KIF13A: variants seen among roughly 807,000 people sequenced by gnomAD.
KIF13A encodes the protein kinesin-like protein KIF13A.
KIF13A carries 79 observed loss-of-function variants against 212.2 expected under a neutral mutation model. The ratio of observed to expected loss-of-function variants is 0.37; its 90% CI spans 0.31 to 0.45. The LOEUF (loss-of-function observed/expected upper bound fraction) is 0.45, where lower values mean the gene tolerates loss of function less well. KIF13A is among the 20% of genes least tolerant of loss of function. KIF13A has a pLI of 1.00. For synonymous variants in KIF13A, 789 were observed against 808.6 expected (o/e 0.98, Z 0.41); for missense variants, 1,901 against 2,209.0 (o/e 0.86, Z 2.79).
intron 3 of KIF13A, chr6:17,881,558 G>A (rs1326311440): frequency 2.4e-6 from 1 of 412,950 alleles, no homozygotes; most frequent in South Asian, 1.7e-5. Context: ...TTAGCTGGGT[G>A]CGGCAGTGCA....
chr6:17,831,075 G>C, intron 13 of KIF13A, 26 bp downstream of exon 13: 6 of 1,596,286 alleles, frequency 3.8e-6, no homozygotes, highest in South Asian at 1.1e-5. Context: ...AATCTTGATT[G>C]CATATGTATT....
chr6:17,774,066 A>G (rs1371732595), intron 35 of KIF13A, among the ~76,000 whole-genome samples: 3 of 152,232 alleles, frequency 2.0e-5, no homozygotes, highest in Non-Finnish European at 2.9e-5. Flanking sequence ...AAAGTTTCAA[A>G]GAGGCATAAA....
rs1464979346 is a variant in KIF13A, at chr6:17,961,487, T to C, written c.146+25567A>G. 1.3e-5 allele frequency among the ~76,000 whole-genome samples: 2 copies of C among 152,324 alleles called. No individual in the cohort carries two copies. Among genetic ancestry groups the C allele is most frequent in the African/African-American group, 2.4e-5 (1 of 41,576 alleles). ...TTAGGTTGGACCATGTAGAGTCAAA[T>C]TGAACTTTTAATATTTTACCAACTG... is the stretch of plus-strand genomic sequence containing the variant. On this transcript the variant is annotated intron_variant, in intron 2 of 38. Coordinates refer to ENST00000259711, the MANE Select transcript of KIF13A (RefSeq NM_022113.6). The surrounding 1 kb of genome is among the most constrained non-coding windows in gnomAD (Gnocchi z 4.1).
chr6:17,884,898 T>G (rs1288606861), intron 3 of KIF13A, among the ~76,000 whole-genome samples: 2 of 152,206 alleles, frequency 1.3e-5, no homozygotes, highest in Non-Finnish European at 2.9e-5. Flanking sequence ...CAATGTCCTG[T>G]TTTGTGGTTT....
chr6:17,846,853 A>G (rs1362573723), intron 9 of KIF13A, among the ~76,000 whole-genome samples: 1 of 152,218 alleles, frequency 6.6e-6, no homozygotes, highest in Non-Finnish European at 1.5e-5. Context: ...CAGAATGCAC[A>G]GCCATCCCCA....
At chr6:17,925,281 A>G (rs1284512865) in intron 2 of KIF13A, among the ~76,000 whole-genome samples, 1 of 152,222 alleles carries the variant, frequency 6.6e-6, no homozygotes, top group Admixed American at 6.5e-5. Flanking sequence ...TGCAGGTGAG[A>G]GAGGAATCAT....
Position 17,849,268 on chromosome 6 carries a change from C to G in KIF13A, c.830+109G>C. The G allele has an allele frequency of 1.4e-6, 1 of 707,628 alleles. No individual in the cohort carries two copies. The highest frequency in any genetic ancestry group is 2.4e-6 in the Non-Finnish European group (1 of 419,002). 43.8% of individuals were successfully genotyped at this position (707,628 alleles called of 1,614,324 possible). A position where few individuals can be genotyped will look rare whatever the true frequency, so the allele number is the denominator to read the frequency against. ...TTTTCTTCAGCCCAGTTTACTAAAG[C>G]TATACAGACTTTAAACAACCTGTAC... is the stretch of plus-strand genomic sequence containing the variant. On this transcript the variant is annotated intron_variant, in intron 9 of 38. Transcript: ENST00000259711. This position sits in a 1 kb window ranked among gnomAD's most constrained non-coding sequence, Gnocchi z 5.7.
intron 2 of KIF13A, among the ~76,000 whole-genome samples, chr6:17,911,559 A>G (rs12153921): frequency 0.11 from 16,353 of 152,182 alleles, 1,169 homozygotes; most frequent in African/African-American, 0.18. Flanking sequence ...TTCTTTACAA[A>G]CATCACATGT....
intron 2 of KIF13A, among the ~76,000 whole-genome samples, chr6:17,943,550 G>C (rs1284931933): frequency 2.6e-5 from 4 of 151,848 alleles, no homozygotes; most frequent in African/African-American, 9.7e-5. Context: ...ACCCAGCCAA[G>C]TTTCTGATAT....
At position 17,836,885 on chromosome 6, in the gene KIF13A, T is replaced by A; in HGVS notation, c.1148A>T (p.Gln383Leu). The A allele has an allele frequency of 6.2e-7, 1 of 1,613,792 alleles. No homozygotes were observed. The highest frequency in any genetic ancestry group is 8.5e-7 in the Non-Finnish European group (1 of 1,179,736). ...GTACCAGGCTGCTTTTACCTCTGCC[T>A]GAGAGAGCTGCTCTCTCAGTTTCTC... ...EVEKLREQLS[Q>L]AEAMKAPELK... The change falls in exon 11 of 39, where the codon CAG becomes CTG. Residue 383 changes from glutamine to leucine, a missense_variant. Gln to Leu is a moderately radical substitution (Grantham distance 113). This residue lies in a region of KIF13A where 506 missense variants were observed against 637.4 expected (regional missense o/e 0.79). Coordinates refer to ENST00000259711, the MANE Select transcript of KIF13A (RefSeq NM_022113.6).
Position 17,849,241 on chromosome 6 carries a change from GT to G in KIF13A, c.830+135del. ...ATCTTAACAGACACAGGTTGTTGTT[GT>G]TTTTCTTCAGCCCAGTTTACTAAAG... On this transcript the variant is annotated intron_variant, in intron 9 of 38. Coordinates refer to ENST00000259711, the MANE Select transcript of KIF13A (RefSeq NM_022113.6). This position sits in a 1 kb window ranked among gnomAD's most constrained non-coding sequence, Gnocchi z 5.7. 1.6e-6 allele frequency: 1 copy of G among 608,846 alleles called. No individual in the cohort carries two copies. The allele number at this position is 608,846 out of a possible 1,614,324, so 37.7% of individuals were successfully genotyped here.
chr6:17,821,665 T>C, intron 16 of KIF13A: 1 of 1,134,318 alleles, frequency 8.8e-7, no homozygotes, highest in Non-Finnish European at 1.2e-6. Flanking sequence ...GCCAGAAAAC[T>C]CCAGCTTCTT....
chr6:17,862,885 T>C (rs1768958277), intron 4 of KIF13A, among the ~76,000 whole-genome samples: 1 of 152,266 alleles, frequency 6.6e-6, no homozygotes, highest in Non-Finnish European at 1.5e-5. Flanking sequence ...GAGGTGGATG[T>C]CGCAGTGAGC....
chr6:17,911,763 T>A (rs1408765639), intron 2 of KIF13A, among the ~76,000 whole-genome samples: 1 of 107,042 alleles, frequency 9.3e-6, no homozygotes, highest in Non-Finnish European at 2.0e-5. Context: ...CTATAGTCAA[T>A]AATAATTTTT....
rs1770145854 is a variant in KIF13A at position 17,872,864 on chromosome 6, G to C, written c.220+513C>G. On this transcript the variant is annotated intron_variant, in intron 4 of 38. Coordinates refer to ENST00000259711, the MANE Select transcript of KIF13A (RefSeq NM_022113.6). The surrounding 1 kb of genome is among the most constrained non-coding windows in gnomAD (Gnocchi z 4.7). ...TTATTCAAGCTGGTCTTGAACTCCTGACCTCAAGTGATCCGCCCACCTCGG... is the reference window on the plus strand; with the variant it reads ...TTATTCAAGCTGGTCTTGAACTCCTCACCTCAAGTGATCCGCCCACCTCGG... Among the ~76,000 whole-genome samples, 2 of 152,154 alleles carry C rather than the reference G, an allele frequency of 1.3e-5. No homozygotes were observed.
intron 13 of KIF13A, among the ~76,000 whole-genome samples, chr6:17,830,678 C>T (rs776540820): frequency 1.3e-5 from 2 of 152,128 alleles, no homozygotes; most frequent in Non-Finnish European, 2.9e-5. Flanking sequence ...TAATCTAGGA[C>T]GAGGGTCTCC....
At chr6:17,957,641 G>A (rs1470175172) in intron 2 of KIF13A, among the ~76,000 whole-genome samples, 1 of 152,130 alleles carries the variant, frequency 6.6e-6, no homozygotes, top group African/African-American at 2.4e-5. Flanking sequence ...CCCTCAACCC[G>A]TGGGATCTGA....
chr6:17,929,073 A>C (rs570243187), intron 2 of KIF13A, among the ~76,000 whole-genome samples: 13 of 149,276 alleles, frequency 8.7e-5, no homozygotes, highest in Non-Finnish European at 1.3e-4. Flanking sequence ...AAAAAAAAAA[A>C]AAAAAAAAAA....
At position 17,872,664 on chromosome 6, in the gene KIF13A, G is replaced by A. The variant is rs959235805; in HGVS notation, c.220+713C>T. 6.6e-6 allele frequency among the ~76,000 whole-genome samples: 1 copy of A among 151,446 alleles called. No individual in the cohort carries two copies. Among genetic ancestry groups the A allele is most frequent in the East Asian group, 1.9e-4 (1 of 5,182 alleles). On this transcript the variant is annotated intron_variant, in intron 4 of 38. Coordinates refer to ENST00000259711, the MANE Select transcript of KIF13A (RefSeq NM_022113.6). The surrounding 1 kb of genome is among the most constrained non-coding windows in gnomAD (Gnocchi z 4.7). The stretch of plus-strand genomic sequence containing the variant: ...AAATAATTTTTTTTTATTTTTTTGA[G>A]ACAGAGTCTCACTCGGTCACCTAGG...
Sources: allele counts gnomAD v4.1 joint callset (sites outside exome capture counted in the v4.1 genomes callset), GRCh38; gene constraint gnomAD v4.1.1; regional missense constraint gnomAD v4.1.1; non-coding constraint Gnocchi (gnomAD v3.1); transcripts MANE v1.5; gene names NCBI Gene and HGNC (gene_info 2026-07-23, HGNC 2026-07-21).